PPEF1: variants seen among roughly 807,000 people sequenced by gnomAD.
PPEF1 encodes serine/threonine-protein phosphatase with EF-hands 1.
A neutral mutation model predicts 53.3 loss-of-function variants in PPEF1; 12 were observed. The ratio of observed to expected loss-of-function variants is 0.23; its 90% confidence interval spans 0.14 to 0.36. The LOEUF (loss-of-function observed/expected upper bound fraction) is 0.36, where lower values mean the gene tolerates loss of function less well. PPEF1 is among the 10% of genes least tolerant of loss of function. The pLI is 1.00. For synonymous variants in PPEF1, 165 were observed against 176.7 expected, an observed-to-expected ratio of 0.93 and a Z score of 0.52; for missense variants, 334 against 490.4, an observed-to-expected ratio of 0.68 and a Z score of 3.01.
chrX:18,794,874 G>T (rs2046399791), intron 10 of PPEF1, among the ~76,000 whole-genome samples: 1 of 112,666 alleles, frequency 8.9e-6, no homozygotes, highest in Non-Finnish European at 1.9e-5. Flanking sequence ...GATCAGTGAA[G>T]GGGGTTAGAG....
intron 1 of PPEF1, among the ~76,000 whole-genome samples, chrX:18,720,097 A>G (rs1383388265): frequency 9.0e-6 from 1 of 111,506 alleles, no homozygotes; most frequent in Non-Finnish European, 1.9e-5. Flanking sequence ...ATCACGAGGA[A>G]AAGAGCAGAC....
intron 2 of PPEF1, among the ~76,000 whole-genome samples, chrX:18,685,894 A>G (rs902023180): frequency 3.6e-5 from 4 of 111,481 alleles, no homozygotes; most frequent in African/African-American, 9.8e-5. Context: ...GAACAAAAAC[A>G]AAACACTTTC....
intron 4 of PPEF1, 65 bp from the exon 5 acceptor site, chrX:18,757,562 T>G: frequency 3.4e-6 from 3 of 881,484 alleles, no homozygotes; most frequent in Non-Finnish European, 5.0e-6. Context: ...CCTTTACAGT[T>G]TTCTATACAG....
At chrX:18,814,959 A>G (rs181408730) in intron 12 of PPEF1, among the ~76,000 whole-genome samples, 31 of 111,623 alleles carry the variant, frequency 2.8e-4, no homozygotes, top group African/African-American at 9.7e-4. Flanking sequence ...TTCTTCTAGG[A>G]TTTTTACAGT....
chrX:18,721,600 G>A (rs2044591243), intron 1 of PPEF1, among the ~76,000 whole-genome samples: 1 of 111,572 alleles, frequency 9.0e-6, no homozygotes, highest in African/African-American at 3.3e-5. Flanking sequence ...AGAAACTGAG[G>A]ACCTCGGAGT....
intron 1 of PPEF1, among the ~76,000 whole-genome samples, chrX:18,715,137 C>T (rs775352988): frequency 4.5e-5 from 5 of 111,737 alleles, no homozygotes; most frequent in South Asian, 3.7e-4. Context: ...CTTTGAGAGG[C>T]GGGTGAATCA....
intron 4 of PPEF1, among the ~76,000 whole-genome samples, chrX:18,695,084 A>G (rs1929638262): frequency 8.9e-6 from 1 of 112,212 alleles, no homozygotes; most frequent in Non-Finnish European, 1.9e-5. Flanking sequence ...GAGCTGCTGC[A>G]CACAATGTGT....
At chrX:18,724,337 G>A (rs1440266169) in intron 1 of PPEF1, among the ~76,000 whole-genome samples, 1 of 111,742 alleles carries the variant, frequency 8.9e-6, no homozygotes, top group East Asian at 2.8e-4. Context: ...CATAAAGCAC[G>A]AGGCACAATG....
rs766813495 is a variant in PPEF1 at position 18,818,047 on chromosome X, C to T, written c.1403C>T (p.Thr468Ile). 1 of 1,189,383 alleles carries T rather than the reference C, an allele frequency of 8.4e-7. No homozygotes were observed. The highest frequency in any genetic ancestry group is 1.1e-6 in the Non-Finnish European group (1 of 880,131). Residue 468 changes from threonine to isoleucine, a missense_variant, in exon 13 of 16, where the codon ACT becomes ATT. Transcript: ENST00000470157. ...TATTGTTTTCTTTGCAGAGTGGATACTATGGAAAACAGCGCCATCAAGATA... is the reference window on the plus strand; with the variant it reads ...TATTGTTTTCTTTGCAGAGTGGATATTATGGAAAACAGCGCCATCAAGATA... ...CFQPLRQRVD[T>I]MENSAIKILR... is the part of the protein sequence containing the mutation.
rs200071205 is a variant in PPEF1 at position 18,718,966 on chromosome X, C to T, written c.46+11140C>T. Among the ~76,000 whole-genome samples the T allele has an allele frequency of 1.3e-4, 15 of 111,755 alleles. No individual in the cohort carries two copies. In the East Asian group the frequency reaches 1.9e-3, roughly 14 times the overall value. On this transcript the variant is annotated intron_variant, in intron 1 of 15. Coordinates refer to ENST00000470157, the MANE Select transcript of PPEF1 (RefSeq NM_001377996.1). The stretch of plus-strand genomic sequence containing the variant: ...TATAACACAGATTAGTAATTAATAA[C>T]GAGGGAGACATAAAACAGAATTTGC...
At chrX:18,705,801 C>T (rs2044182328), upstream of PPEF1, among the ~76,000 whole-genome samples, 1 of 112,029 alleles carries the variant, frequency 8.9e-6, no homozygotes, top group Admixed American at 9.5e-5. Flanking sequence ...CACCTCTGGT[C>T]AGAAAATCTG....
In PPEF1 at chrX:18,779,018, C is replaced by T. The variant is rs61733280; in HGVS notation, c.567C>T (p.Leu189=). Residue 189 remains leucine, a synonymous_variant, in exon 7 of 16, where the codon CTC becomes CTT. Coordinates refer to ENST00000470157, the MANE Select transcript of PPEF1 (RefSeq NM_001377996.1). ...TTCTCCTCCTTCCACAGAATGGTCT[C>T]CCCTCAGAGAGGAACCCGTATGTTT... is the stretch of plus-strand genomic sequence containing the variant. ...DLFLIFYKNG[L]PSERNPYVFN... 4.0e-3 allele frequency: 4,803 copies of T among 1,194,298 alleles called. 122 individuals are homozygous for T. The African/African-American group carries it at 0.072, about 18-fold the overall frequency.
At chrX:18,757,176 G>A (rs1371204393) in intron 4 of PPEF1, among the ~76,000 whole-genome samples, 1 of 111,524 alleles carries the variant, frequency 9.0e-6, no homozygotes, top group Non-Finnish European at 1.9e-5. Context: ...ATATTGGACA[G>A]CATAGGTCCA....
intron 13 of PPEF1, among the ~76,000 whole-genome samples, chrX:18,819,291 A>AC (rs1451223864): frequency 8.9e-6 from 1 of 112,480 alleles, no homozygotes. Flanking sequence ...TTTGAAGAAA[A>AC]ACCAAAGAGA....
intron 12 of PPEF1, among the ~76,000 whole-genome samples, chrX:18,806,785 C>T (rs1033441757): frequency 6.3e-5 from 7 of 111,764 alleles, no homozygotes; most frequent in African/African-American, 2.3e-4. Context: ...CCCTCAGAAA[C>T]GTAACTGAAT....
At chrX:18,735,712 C>G (rs1054745423) in intron 3 of PPEF1, among the ~76,000 whole-genome samples, 1 of 111,670 alleles carries the variant, frequency 9.0e-6, no homozygotes, top group Non-Finnish European at 1.9e-5. Context: ...TATAAATTAC[C>G]TTGGGCAGTA....
In PPEF1 at chrX:18,779,015, T is replaced by C. The variant is rs768637398; in HGVS notation, c.564T>C (p.Gly188=). ...DDLFLIFYKN[G]LPSERNPYVF... is the part of the protein sequence containing the mutation. ...CCCTTCTCCTCCTTCCACAGAATGG[T>C]CTCCCCTCAGAGAGGAACCCGTATG... is the stretch of plus-strand genomic sequence containing the variant. Residue 188 remains glycine (G), a synonymous_variant, in exon 7 of 16, where the codon GGT becomes GGC. Coordinates refer to ENST00000470157, the MANE Select transcript of PPEF1 (RefSeq NM_001377996.1). 8.4e-7 allele frequency: 1 copy of C among 1,193,388 alleles called. No homozygotes were observed. The highest frequency in any genetic ancestry group is 1.1e-6 in the Non-Finnish European group (1 of 881,379).
intron 1 of PPEF1, among the ~76,000 whole-genome samples, chrX:18,713,041 G>A (rs1381621081): frequency 9.0e-6 from 1 of 111,569 alleles, no homozygotes; most frequent in Non-Finnish European, 1.9e-5. Flanking sequence ...TTTTGTAGAG[G>A]AATCTTGCAA....
chrX:18,750,296 TAGAA>T (rs1284815756), intron 4 of PPEF1, among the ~76,000 whole-genome samples: 1 of 111,487 alleles, frequency 9.0e-6, no homozygotes, highest in Non-Finnish European at 1.9e-5. Flanking sequence ...TCACTCCCAA[TAGAA>T]AGGCCATTCC....
Sources: gnomAD v4.1 joint callset for allele counts (sites outside exome capture counted in the v4.1 genomes callset) on GRCh38, gnomAD v4.1.1 for gene constraint, MANE v1.5 for transcripts, NCBI Gene and HGNC (gene_info 2026-07-23, HGNC 2026-07-21) for gene names.